The following SGCZ variants were observed in gnomAD, a reference collection of about 807,000 sequenced individuals.
SGCZ encodes zeta-sarcoglycan.
A neutral mutation model predicts 41.3 loss-of-function variants in SGCZ; 40 were observed. The ratio of observed to expected loss-of-function variants is 0.97; its 90% CI spans 0.75 to 1.26. The LOEUF (loss-of-function observed/expected upper bound fraction) is 1.26. Among genes scored for constraint, SGCZ ranks in the 50% most tolerant of loss-of-function variants. The pLI, the probability that SGCZ is intolerant of heterozygous loss-of-function variation, is 0.00. For synonymous variants in SGCZ, 206 were observed against 137.5 expected (o/e 1.50, Z -3.49); for missense variants, 552 against 369.8 (o/e 1.49, Z -4.04).
rs117175067 is a variant in SGCZ at position 14,702,314 on chromosome 8, C to T, written c.40-147388G>A. ...TTTTCCTTTACTGACACTTTTCTTGCGCCGACATTTATTGTTAGAATGCTC... is the reference window on the plus strand; with the variant it reads ...TTTTCCTTTACTGACACTTTTCTTGTGCCGACATTTATTGTTAGAATGCTC... On this transcript the variant is annotated intron_variant, in intron 1 of 7. Transcript: ENST00000382080. Among the ~76,000 whole-genome samples the T allele has an allele frequency of 1.8e-3, 272 of 151,916 alleles. 2 individuals are homozygous for T. In the South Asian group the frequency reaches 0.02, roughly 11 times the overall value.
At chr8:14,909,617 T>G (rs1471835705) in intron 1 of SGCZ, among the ~76,000 whole-genome samples, 1 of 152,124 alleles carries the variant, frequency 6.6e-6, no homozygotes, top group Non-Finnish European at 1.5e-5. Flanking sequence ...CATAAATATT[T>G]AAGTCTTTTA....
intron 2 of SGCZ, among the ~76,000 whole-genome samples, chr8:14,360,596 G>T (rs1213943649): frequency 1.3e-5 from 2 of 152,010 alleles, no homozygotes; most frequent in East Asian, 1.9e-4. Context: ...AAAGTGCTGG[G>T]ATTACAGGTG....
At chr8:14,863,263 A>G (rs115383882) in intron 1 of SGCZ, among the ~76,000 whole-genome samples, 3,583 of 152,248 alleles carry the variant, frequency 0.024, 52 homozygotes, top group Middle Eastern at 0.048. Context: ...ATCTGCAAGC[A>G]TTTATGTAAC....
chr8:15,065,894 T>A (rs2131019202), intron 1 of SGCZ, among the ~76,000 whole-genome samples: 1 of 152,340 alleles, frequency 6.6e-6, no homozygotes, highest in South Asian at 2.1e-4. Context: ...ATTGAAATTT[T>A]GTTTCACATA....
intron 2 of SGCZ, among the ~76,000 whole-genome samples, chr8:14,491,402 G>A (rs1178717556): frequency 6.6e-6 from 1 of 152,056 alleles, no homozygotes; most frequent in African/African-American, 2.4e-5. Flanking sequence ...GTTCAAATGA[G>A]GTGAGTCTGC....
chr8:14,263,694 C>A (rs895037207), intron 3 of SGCZ, among the ~76,000 whole-genome samples: 3 of 152,096 alleles, frequency 2.0e-5, no homozygotes, highest in African/African-American at 7.2e-5. Flanking sequence ...TATTCAAGTG[C>A]CAAGGTACCC....
intron 1 of SGCZ, among the ~76,000 whole-genome samples, chr8:14,645,224 T>C (rs1295382216): frequency 2.3e-4 from 35 of 151,450 alleles, no homozygotes; most frequent in South Asian, 2.1e-4. Context: ...TTTTTGGCTA[T>C]AAAAGGGTTC....
At position 14,829,758 on chromosome 8, in the gene SGCZ, T is replaced by TA. The variant is rs1554507993; in HGVS notation, c.40-274833dup. On this transcript the variant is annotated intron_variant, in intron 1 of 7. Transcript: ENST00000382080. ...TTAACTGATTATTTAAGGGTTTTTT[T>TA]AAAAAAAATCATAAAACTTGTAAAG... Among the ~76,000 whole-genome samples the TA allele has an allele frequency of 3.2e-4, 49 of 152,136 alleles. 1 individual carries two copies. Among genetic ancestry groups the TA allele is most frequent in the African/African-American group, 5.8e-4 (24 of 41,474 alleles).
chr8:15,097,735 A>AT (rs34158641), intron 1 of SGCZ, among the ~76,000 whole-genome samples: 18,346 of 133,178 alleles, frequency 0.14, 1,437 homozygotes, highest in South Asian at 0.18. Context: ...TAAAAAAAAA[A>AT]ATATATATAT....
At chr8:14,396,697 T>G (rs11995667) in intron 2 of SGCZ, among the ~76,000 whole-genome samples, 1 of 151,870 alleles carries the variant, frequency 6.6e-6, no homozygotes, top group African/African-American at 2.4e-5. Flanking sequence ...TCAGGGGTTT[T>G]CTGAGAGCAA....
chr8:14,547,284 G>A lies in SGCZ; in HGVS notation c.234+7448C>T, dbSNP rs181890843. Among the ~76,000 whole-genome samples, 13 of 152,178 alleles carry A rather than the reference G, an allele frequency of 8.5e-5. No homozygotes were observed. In the East Asian group the frequency reaches 9.7e-4, roughly 11 times the overall value. ...AGATGTTTCAAAAGAAGATTAGCTC[G>A]CTCTGACAAATAAGCTCCCTCATTC... On this transcript the variant is annotated intron_variant, in intron 2 of 7. Coordinates refer to ENST00000382080, the MANE Select transcript of SGCZ (RefSeq NM_139167.4).
At chr8:14,298,289 T>A (rs1801081391) in intron 3 of SGCZ, among the ~76,000 whole-genome samples, 2 of 151,988 alleles carry the variant, frequency 1.3e-5, no homozygotes, top group Non-Finnish European at 2.9e-5. Flanking sequence ...TCCTTTTAGA[T>A]TGGAAATAAG....
intron 4 of SGCZ, among the ~76,000 whole-genome samples, chr8:14,177,799 C>CA (rs1201066224): frequency 6.6e-6 from 1 of 150,662 alleles, no homozygotes; most frequent in Non-Finnish European, 1.5e-5. Context: ...GCTGGGATTA[C>CA]AGGCGTGAGC....
chr8:14,523,896 T>C (rs1236836589), intron 2 of SGCZ, among the ~76,000 whole-genome samples: 2 of 152,118 alleles, frequency 1.3e-5, no homozygotes, highest in Non-Finnish European at 2.9e-5. Context: ...TTTCTTTCTA[T>C]TGCTCAGATT....
intron 1 of SGCZ, among the ~76,000 whole-genome samples, chr8:14,858,894 A>G (rs1803630538): frequency 6.6e-6 from 1 of 152,190 alleles, no homozygotes; most frequent in South Asian, 2.1e-4. Context: ...CAAATTTACC[A>G]AAATTCTAAT....
intron 2 of SGCZ, among the ~76,000 whole-genome samples, chr8:14,353,070 G>A (rs1391677056): frequency 7.0e-6 from 1 of 143,626 alleles, no homozygotes; most frequent in Non-Finnish European, 1.6e-5. Flanking sequence ...TATGTTGCAC[G>A]TTGCATGAGT....
At chr8:14,203,434 C>A (rs995683691) in intron 4 of SGCZ, among the ~76,000 whole-genome samples, 1 of 152,090 alleles carries the variant, frequency 6.6e-6, no homozygotes, top group Non-Finnish European at 1.5e-5. Context: ...TAATACAATT[C>A]TTTTCCTTTT....
At chr8:14,948,480 G>C (rs146985097) in intron 1 of SGCZ, among the ~76,000 whole-genome samples, 48 of 152,176 alleles carry the variant, frequency 3.2e-4, no homozygotes, top group African/African-American at 1.1e-3. Context: ...ATGAGAGAGA[G>C]AGAGAGAGAG....
intron 1 of SGCZ, among the ~76,000 whole-genome samples, chr8:14,665,993 G>A (rs1479020760): frequency 1.3e-5 from 2 of 152,198 alleles, no homozygotes; most frequent in Non-Finnish European, 2.9e-5. Context: ...CACATCCTGG[G>A]CAGCATGTAA....
Sources: gnomAD v4.1 joint callset for allele counts (sites outside exome capture counted in the v4.1 genomes callset) on GRCh38, gnomAD v4.1.1 for gene constraint, MANE v1.5 for transcripts, NCBI Gene and HGNC (gene_info 2026-07-23, HGNC 2026-07-21) for gene names.